The following SOX6 variants were observed in gnomAD, a reference collection of about 807,000 sequenced individuals.
SOX6 encodes transcription factor SOX-6.
A neutral mutation model predicts 97.8 loss-of-function variants in SOX6; 11 were observed. The observed-to-expected ratio is 0.11, with a 90% CI of 0.07 to 0.19. The LOEUF (loss-of-function observed/expected upper bound fraction) is 0.19. Among genes scored for constraint, SOX6 ranks in the 10% least tolerant of loss-of-function variants. The pLI, the probability that SOX6 is intolerant of heterozygous loss-of-function variation, is 1.00. For missense variants in SOX6, 810 were observed against 1,039.5 expected, an observed-to-expected ratio of 0.78 and a Z score of 3.04; for synonymous variants, 360 against 371.4, an observed-to-expected ratio of 0.97 and a Z score of 0.35.
intron 3 of SOX6, among the ~76,000 whole-genome samples, chr11:16,626,280 G>A (rs1210798407): frequency 6.6e-6 from 1 of 152,158 alleles, no homozygotes; most frequent in Non-Finnish European, 1.5e-5. Context: ...TCCCCATACA[G>A]ATAGCCAGTT....
Position 16,318,651 on chromosome 11 carries a change from T to G in SOX6, c.240A>C (p.Glu80Asp), listed in dbSNP as rs572923031. 6.2e-7 allele frequency: 1 copy of G among 1,611,088 alleles called. No individual in the cohort carries two copies. Among genetic ancestry groups the G allele is most frequent in the South Asian group, 1.1e-5 (1 of 90,948 alleles). ...GGGAACATAACTTATTATTCTCTGA[T>G]TCCTAGAAAAATAAAATAAAATAAA... Reference protein sequence around the residue: ...DSVLSSQQRMESENNKLCSLY... With the variant: ...DSVLSSQQRMDSENNKLCSLY... The change falls in exon 3 of 16, where the codon GAA becomes GAC. Residue 80 changes from glutamate (E) to aspartate (D), a missense_variant and splice_region_variant. Transcript: ENST00000683767.
rs576607098 is a variant in SOX6 at position 16,692,730 on chromosome 11, A to G, written n.429+22100T>C. ...CATATCATTACATATAGATGTGTAC[A>G]CACACACACATTGTTTTTTCTTTTA... On this transcript the variant is annotated intron_variant and non_coding_transcript_variant, in intron 3 of 5. Transcript: ENST00000524520. Among the ~76,000 whole-genome samples the G allele has an allele frequency of 2.0e-3, 304 of 152,216 alleles. 1 individual carries two copies. Among genetic ancestry groups the G allele is most frequent in the Non-Finnish European group, 3.6e-3 (248 of 67,998 alleles).
intron 4 of SOX6, among the ~76,000 whole-genome samples, chr11:16,590,188 C>T (rs898256308): frequency 6.6e-6 from 1 of 152,028 alleles, no homozygotes; most frequent in Non-Finnish European, 1.5e-5. Flanking sequence ...TGAAGATTTG[C>T]AAAAAGAAAT....
chr11:16,414,832 T>A (rs1298298217), intron 1 of SOX6, among the ~76,000 whole-genome samples: 1 of 152,160 alleles, frequency 6.6e-6, no homozygotes. Flanking sequence ...AAACTGCTTC[T>A]ATGTCAGTCA....
intron 7 of SOX6, among the ~76,000 whole-genome samples, chr11:16,105,390 G>A (rs981294286): frequency 4.6e-5 from 7 of 152,042 alleles, no homozygotes; most frequent in Admixed American, 6.6e-5. Flanking sequence ...ACCTCGGCAT[G>A]ATGAAACCTA....
chr11:16,564,321 T>C (rs1847844892), intron 4 of SOX6, among the ~76,000 whole-genome samples: 3 of 152,260 alleles, frequency 2.0e-5, no homozygotes, highest in African/African-American at 2.4e-5. Context: ...AATTACATTA[T>C]AAACAGGGAA....
chr11:16,461,067 T>A (rs1314916465), intron 1 of SOX6, among the ~76,000 whole-genome samples: 1 of 152,132 alleles, frequency 6.6e-6, no homozygotes, highest in East Asian at 1.9e-4. Flanking sequence ...TCAGAGAGGA[T>A]CTAATTTATG....
intron 4 of SOX6, among the ~76,000 whole-genome samples, chr11:16,199,033 T>C (rs1459796042): frequency 1.3e-5 from 2 of 152,256 alleles, no homozygotes; most frequent in East Asian, 3.8e-4. Context: ...ACTACTGATT[T>C]TGTGCTCAGT....
chr11:16,219,932 C>G (rs773702280), intron 4 of SOX6, among the ~76,000 whole-genome samples: 10 of 151,978 alleles, frequency 6.6e-5, no homozygotes, highest in Admixed American at 2.0e-4. Context: ...TGATCCCATG[C>G]ATTTTTCTTT....
chr11:16,129,932 A>G (rs1849699262), intron 6 of SOX6, among the ~76,000 whole-genome samples: 1 of 152,070 alleles, frequency 6.6e-6, no homozygotes, highest in Non-Finnish European at 1.5e-5. Flanking sequence ...ACTTCTAATC[A>G]ATATTGTACT....
chr11:16,571,693 C>A (rs1291539673), intron 4 of SOX6, among the ~76,000 whole-genome samples: 2 of 152,168 alleles, frequency 1.3e-5, no homozygotes, highest in East Asian at 3.9e-4. Context: ...GCTCTGTCAC[C>A]CAGGCTGGAG....
chr11:16,329,821 A>C (rs554067791), intron 2 of SOX6, among the ~76,000 whole-genome samples: 1 of 152,316 alleles, frequency 6.6e-6, no homozygotes, highest in African/African-American at 2.4e-5. Flanking sequence ...GCAGCTCCCA[A>C]AGTGGTCCAT....
chr11:16,144,273 G>A (rs1261530413), intron 6 of SOX6, among the ~76,000 whole-genome samples: 1 of 152,150 alleles, frequency 6.6e-6, no homozygotes, highest in African/African-American at 2.4e-5. Flanking sequence ...AGGAAATGAA[G>A]GCAGAAATAA....
intron 3 of SOX6, among the ~76,000 whole-genome samples, chr11:16,288,592 G>T (rs568706081): frequency 1.3e-5 from 2 of 152,052 alleles, no homozygotes; most frequent in South Asian, 4.2e-4. Flanking sequence ...ATATTTTAGA[G>T]CCCAGTCATT....
intron 1 of SOX6, among the ~76,000 whole-genome samples, chr11:16,373,865 AAGGAAGGAAGGAAGGAAGGAAGGG>A (rs748655929): frequency 0.47 from 24,405 of 51,542 alleles, 3,956 homozygotes; most frequent in Non-Finnish European, 0.56. Flanking sequence ...GGAAGGAAGG[AAGGAAGGAAGGAAGGAAGGAAGGG>A]AGGGAGGGAG....
chr11:16,479,481 G>T (rs1860306650), upstream of SOX6, among the ~76,000 whole-genome samples: 1 of 149,944 alleles, frequency 6.7e-6, no homozygotes, highest in African/African-American at 2.5e-5. Context: ...AGTGAGCCAA[G>T]ATTGCGTTAC....
At chr11:16,132,421 GAAAGAAAGAAAGAAAGAAAGA>G (rs1564972477) in intron 6 of SOX6, among the ~76,000 whole-genome samples, 18 of 95,628 alleles carry the variant, frequency 1.9e-4, no homozygotes, top group African/African-American at 7.8e-4. Context: ...AAGAAAGAAA[GAAAGAAAGAAAGAAAGAAAGA>G]AAAAAGAAAG....
At chr11:16,127,690 T>A (rs1849641295) in intron 6 of SOX6, among the ~76,000 whole-genome samples, 2 of 152,136 alleles carry the variant, frequency 1.3e-5, no homozygotes, top group African/African-American at 4.8e-5. Flanking sequence ...GAAAATAATA[T>A]TCCAAGTTGG....
chr11:16,416,230 CT>C (rs1383954382), intron 1 of SOX6, among the ~76,000 whole-genome samples: 1 of 152,208 alleles, frequency 6.6e-6, no homozygotes, highest in Non-Finnish European at 1.5e-5. Context: ...CAGAAAAAGA[CT>C]TTTGCCAAGC....
Sources: gnomAD v4.1 joint callset for allele counts (sites outside exome capture counted in the v4.1 genomes callset) on GRCh38, gnomAD v4.1.1 for gene constraint, MANE v1.5 for transcripts, NCBI Gene and HGNC (gene_info 2026-07-23, HGNC 2026-07-21) for gene names.